The following MYO6 variants were observed in gnomAD, a reference collection of about 807,000 sequenced individuals.
The protein encoded by MYO6 is myosin VI.
A neutral mutation model predicts 178.7 loss-of-function variants in MYO6; 74 were observed. The observed-to-expected ratio is 0.41, with a 90% CI of 0.34 to 0.50. The LOEUF is 0.50. MYO6 is among the 20% of genes least tolerant of loss of function. The pLI is 0.09. For missense variants in MYO6, 1,330 were observed against 1,547.4 expected (o/e 0.86, Z 2.36); for synonymous variants, 477 against 504.6 (o/e 0.95, Z 0.73).
At chr6:75,814,864 CA>C (rs113864154) in intron 1 of MYO6, among the ~76,000 whole-genome samples, 2,553 of 102,768 alleles carry the variant, frequency 0.025, 41 homozygotes, top group African/African-American at 0.071. Context: ...GACCCAGTCT[CA>C]AAAAAAAAAA....
At chr6:75,850,104 GC>G (rs1775121660) in intron 11 of MYO6, among the ~76,000 whole-genome samples, 1 of 152,026 alleles carries the variant, frequency 6.6e-6, no homozygotes, top group African/African-American at 2.4e-5. Flanking sequence ...AATATTTTAA[GC>G]ACATATCTTT....
intron 1 of MYO6, among the ~76,000 whole-genome samples, chr6:75,797,636 C>T (rs1769005016): frequency 6.6e-6 from 1 of 152,076 alleles, no homozygotes; most frequent in African/African-American, 2.4e-5. Context: ...TGGGCTCAAG[C>T]CATTCTCCTG....
intron 1 of MYO6, among the ~76,000 whole-genome samples, chr6:75,777,939 A>G (rs781648603): frequency 1.3e-5 from 2 of 152,206 alleles, no homozygotes; most frequent in African/African-American, 2.4e-5. Context: ...TTATATTCTG[A>G]TTTAGAGAAA....
In MYO6 at chr6:75,886,075, A is replaced by C; in HGVS notation, c.2488A>C (p.Lys830Gln). 2 of 1,610,646 alleles carry C rather than the reference A, an allele frequency of 1.2e-6. No individual in the cohort carries two copies. The highest frequency in any genetic ancestry group is 2.2e-5 in the South Asian group (2 of 90,902). ...AAAAACTATTCGAATGTGGCTTTGC[A>C]AGAGGAGACACAAACCTCGGTAAGA... ...MQKTIRMWLC[K>Q]RRHKPRIDGL... Residue 830 changes from lysine (K) to glutamine (Q), a missense_variant, in exon 24 of 35, where the codon AAG becomes CAG. By Grantham distance (53) the Lys-to-Gln change is moderately conservative. Around this residue, in one of 3 missense-constraint regions of MYO6, gnomAD observed 601 missense variants for 626.1 expected, o/e 0.96. Transcript: ENST00000369977.
chr6:75,857,272 T>C lies in MYO6; in HGVS notation c.1381+18T>C. 6.2e-7 allele frequency: 1 copy of C among 1,606,844 alleles called. No homozygotes were observed. The highest frequency in any genetic ancestry group is 8.5e-7 in the Non-Finnish European group (1 of 1,173,638). ...TGGTTTTGGTAAGTAGAGTTTCTTT[T>C]GTGAGTATATATTTGTTTCATATTT... is the stretch of plus-strand genomic sequence containing the variant. On this transcript the variant is annotated intron_variant, in intron 13 of 34. Transcript: ENST00000369977.
chr6:75,905,305 G>A (rs559209395), intron 30 of MYO6, among the ~76,000 whole-genome samples: 69 of 152,350 alleles, frequency 4.5e-4, no homozygotes, highest in Non-Finnish European at 6.0e-4. Context: ...GCAATGGCGG[G>A]CGCCCCTCCC....
At chr6:75,755,250 T>A (rs929659139) in intron 1 of MYO6, among the ~76,000 whole-genome samples, 5 of 152,042 alleles carry the variant, frequency 3.3e-5, no homozygotes, top group South Asian at 2.1e-4. Flanking sequence ...ATAAATACAT[T>A]ACTTAAAATT....
intron 23 of MYO6, among the ~76,000 whole-genome samples, chr6:75,882,368 A>G (rs1219670986): frequency 6.6e-6 from 1 of 152,206 alleles, no homozygotes. Flanking sequence ...ATATCTCTCT[A>G]AACTAGAAGC....
At chr6:75,906,380 A>G (rs533045598) in intron 30 of MYO6, among the ~76,000 whole-genome samples, 1 of 152,322 alleles carries the variant, frequency 6.6e-6, no homozygotes, top group African/African-American at 2.4e-5. Flanking sequence ...AATTATATGC[A>G]TAAAAGTCTT....
chr6:75,881,801 C>A lies in MYO6; in HGVS notation c.2399C>A (p.Ser800Ter). Residue 800 changes from serine to a stop codon, truncating the protein, a stop_gained, in exon 23 of 35, where the codon TCA becomes TAA. Transcript: ENST00000369977. LOFTEE classifies it high-confidence loss of function. The part of the protein sequence containing the change: ...CSRWKKVQWC[S>*]LSVIKLKNKI... ...CGCTGGAAGAAAGTTCAGTGGTGCT[C>A]ACTCTCAGTCATCAAATGTAGGTGT... is the stretch of plus-strand genomic sequence containing the variant. The A allele has an allele frequency of 6.2e-7, 1 of 1,613,764 alleles. No individual in the cohort carries two copies. The highest frequency in any genetic ancestry group is 1.1e-5 in the South Asian group (1 of 91,034).
At position 75,806,615 on chromosome 6, in the gene MYO6, T is replaced by A. The variant is rs188117060; in HGVS notation, c.-47-10886T>A. Among the ~76,000 whole-genome samples, 184 of 152,310 alleles carry A rather than the reference T, an allele frequency of 1.2e-3. 1 individual carries two copies. The highest frequency in any genetic ancestry group is 1.7e-3 in the Non-Finnish European group (119 of 68,026). On this transcript the variant is annotated intron_variant, in intron 1 of 34. Coordinates refer to ENST00000369977, the MANE Select transcript of MYO6 (RefSeq NM_004999.4). The stretch of plus-strand genomic sequence containing the variant: ...CCATGCTGGAAGGTTGTGGGTTTAC[T>A]GGAATGAGGGCAAGGAACACCTGGC...
intron 7 of MYO6, 77 bp from the exon 8 acceptor site, chr6:75,840,508 A>G: frequency 2.1e-6 from 2 of 962,268 alleles, no homozygotes; most frequent in Non-Finnish European, 3.4e-6. Context: ...ATATATTAAC[A>G]AATGGAGATA....
intron 3 of MYO6, among the ~76,000 whole-genome samples, chr6:75,825,040 T>C (rs960133873): frequency 2.0e-4 from 31 of 152,194 alleles, no homozygotes; most frequent in Admixed American, 1.8e-3. Context: ...ATTATAGGCG[T>C]AAGCCACTGC....
chr6:75,867,142 A>G (rs1776768001), intron 18 of MYO6, 37 bp downstream of exon 18: 3 of 1,463,034 alleles, frequency 2.1e-6, no homozygotes, highest in Non-Finnish European at 2.8e-6. Flanking sequence ...TACTATATTT[A>G]AAATGAAATT....
chr6:75,839,150 A>G (rs1249422452), intron 7 of MYO6, among the ~76,000 whole-genome samples: 1 of 152,026 alleles, frequency 6.6e-6, no homozygotes, highest in Non-Finnish European at 1.5e-5. Context: ...AAGGCTTCAT[A>G]AGAAATATGA....
At chr6:75,816,274 T>C (rs1771235762) in intron 1 of MYO6, among the ~76,000 whole-genome samples, 1 of 152,228 alleles carries the variant, frequency 6.6e-6, no homozygotes, top group African/African-American at 2.4e-5. Context: ...ATGTCACTTA[T>C]ATGAAGTTCA....
At chr6:75,766,360 T>C (rs1778418115) in intron 1 of MYO6, among the ~76,000 whole-genome samples, 1 of 151,922 alleles carries the variant, frequency 6.6e-6, no homozygotes, top group South Asian at 2.1e-4. Context: ...GTAGACAGTG[T>C]AACCTACACA....
intron 13 of MYO6, among the ~76,000 whole-genome samples, chr6:75,858,410 A>T (rs1397658110): frequency 1.3e-5 from 2 of 152,220 alleles, no homozygotes; most frequent in Non-Finnish European, 2.9e-5. Context: ...GTTCGAGACC[A>T]GCCTGGGTAA....
intron 1 of MYO6, among the ~76,000 whole-genome samples, chr6:75,814,258 A>G (rs949124915): frequency 6.6e-6 from 1 of 152,106 alleles, no homozygotes; most frequent in Non-Finnish European, 1.5e-5. Context: ...CCATACCACC[A>G]TTGCTGCTGC....
Sources: allele counts gnomAD v4.1 joint callset (sites outside exome capture counted in the v4.1 genomes callset), GRCh38; gene constraint gnomAD v4.1.1; regional missense constraint gnomAD v4.1.1; transcripts MANE v1.5; gene names NCBI Gene and HGNC (gene_info 2026-07-23, HGNC 2026-07-21).